The following AP2A2 variants were observed in gnomAD, a reference collection of about 807,000 sequenced individuals.
The protein encoded by AP2A2 is adaptor related protein complex 2 subunit alpha 2.
Under a neutral mutation model 104.2 loss-of-function variants are expected in AP2A2, and 32 were observed. The observed-to-expected ratio is 0.31, with a 90% CI of 0.23 to 0.41. The LOEUF is 0.41. Among genes scored for constraint, AP2A2 ranks in the 10% least tolerant of loss-of-function variants. The pLI is 1.00. For synonymous variants in AP2A2, 539 were observed against 533.3 expected (o/e 1.01, Z -0.15); for missense variants, 912 against 1,261.0 (o/e 0.72, Z 4.19).
chr11:993,750 C>G lies in AP2A2; in HGVS notation c.1551-4C>G, dbSNP rs377746783. 1,308 of 1,583,684 alleles carry G rather than the reference C, an allele frequency of 8.3e-4. 17 individuals are homozygous for G. The South Asian group carries it at 0.01, about 12-fold the overall frequency. On this transcript the variant is annotated splice_region_variant and splice_polypyrimidine_tract_variant and intron_variant, in intron 12 of 21. Coordinates refer to ENST00000448903, the MANE Select transcript of AP2A2 (RefSeq NM_012305.4). The surrounding 1 kb of genome is among the most constrained non-coding windows in gnomAD (Gnocchi z 8.2). Reference sequence around the variant, plus strand: ...GTCCCTGTGTTGTGCCTCCCCGTCCCCAGCCCGCTGATCCAGTTCCACCTG... The same window carrying G: ...GTCCCTGTGTTGTGCCTCCCCGTCCGCAGCCCGCTGATCCAGTTCCACCTG...
intron 1 of AP2A2, among the ~76,000 whole-genome samples, chr11:933,813 C>T (rs117270943): frequency 0.069 from 10,450 of 152,178 alleles, 435 homozygotes; most frequent in South Asian, 0.11. Flanking sequence ...CAGCTTTGCA[C>T]GCTTTTTCCT....
At chr11:962,576 T>C (rs1212318112) in intron 2 of AP2A2, among the ~76,000 whole-genome samples, 1 of 151,776 alleles carries the variant, frequency 6.6e-6, no homozygotes, top group Admixed American at 6.6e-5. Flanking sequence ...TTACTAAAAA[T>C]AGAAAAATTA....
intron 1 of AP2A2, among the ~76,000 whole-genome samples, chr11:956,347 G>A (rs1311599808): frequency 6.6e-6 from 1 of 152,078 alleles, no homozygotes; most frequent in Non-Finnish European, 1.5e-5. Context: ...ATTTTTAGTA[G>A]AGACGGGGTT....
At chr11:926,688 G>A (rs1853131609) in intron 1 of AP2A2, among the ~76,000 whole-genome samples, 2 of 152,216 alleles carry the variant, frequency 1.3e-5, no homozygotes, top group African/African-American at 4.8e-5. Flanking sequence ...CCCCTGATTA[G>A]ATCTCACCTA....
At chr11:988,416 G>C in intron 9 of AP2A2, 136 bp from the exon 10 acceptor site, 1 of 1,155,114 alleles carries the variant, frequency 8.7e-7, no homozygotes, top group Non-Finnish European at 1.2e-6. Context: ...AGTGCAGGTC[G>C]GCTCCCTGGA....
chr11:1,008,897 C>G, intron 18 of AP2A2: 4 of 581,766 alleles, frequency 6.9e-6, no homozygotes, highest in South Asian at 2.2e-5. Context: ...CCTGAGTATG[C>G]GGCCCTGGCC....
At chr11:981,932 C>G (rs1203446260) in intron 6 of AP2A2, among the ~76,000 whole-genome samples, 1 of 152,288 alleles carries the variant, frequency 6.6e-6, no homozygotes, top group Admixed American at 6.5e-5. Context: ...GCCAGACCAG[C>G]TTCCCCTGCC....
In AP2A2 at chr11:976,246, C is replaced by T. The variant is rs150899247; in HGVS notation, c.474-849C>T. 3.2e-3 allele frequency among the ~76,000 whole-genome samples: 485 copies of T among 152,134 alleles called. 1 individual carries two copies. Among genetic ancestry groups the T allele is most frequent in the African/African-American group, 0.011 (470 of 41,486 alleles). ...CAATACCTACTCCTCCTTGCAGGGGCGTTGGCACCCAGAAGGGGAATTTTT... is the reference window on the plus strand; with the variant it reads ...CAATACCTACTCCTCCTTGCAGGGGTGTTGGCACCCAGAAGGGGAATTTTT... On this transcript the variant is annotated intron_variant, in intron 4 of 21. Coordinates refer to ENST00000448903, the MANE Select transcript of AP2A2 (RefSeq NM_012305.4).
chr11:991,086 C>T (rs112157221), intron 10 of AP2A2, among the ~76,000 whole-genome samples: 6 of 151,818 alleles, frequency 4.0e-5, no homozygotes, highest in Admixed American at 2.6e-4. Flanking sequence ...TGCTCCCCTC[C>T]GTCCTTTCAG....
At chr11:975,434 G>C (rs35558736) in intron 4 of AP2A2, among the ~76,000 whole-genome samples, 1 of 39,182 alleles carries the variant, frequency 2.6e-5, no homozygotes, top group African/African-American at 6.7e-5. Flanking sequence ...GTGAGCCGAC[G>C]TCGGAGAGTA....
chr11:930,240 T>C (rs981850404), intron 1 of AP2A2, among the ~76,000 whole-genome samples: 2 of 151,840 alleles, frequency 1.3e-5, no homozygotes, highest in Admixed American at 1.3e-4. Flanking sequence ...CAGACTGGCT[T>C]GGGGCATTAC....
chr11:941,410 T>C (rs985368109), intron 1 of AP2A2, among the ~76,000 whole-genome samples: 7 of 152,142 alleles, frequency 4.6e-5, no homozygotes, highest in Non-Finnish European at 4.4e-5. Flanking sequence ...TATCACTGCC[T>C]GAGAGAAGGC....
chr11:970,163 C>T lies in AP2A2; in HGVS notation c.137-6C>T. 1 of 1,613,786 alleles carries T rather than the reference C, an allele frequency of 6.2e-7. No individual in the cohort carries two copies. The highest frequency in any genetic ancestry group is 1.1e-5 in the South Asian group (1 of 91,046). Reference sequence around the variant, plus strand: ...GAATAAAACCTCTTCCCCACCTTTTCTGTAGGTGACAAGGCTCTTGATGGC... The same window carrying T: ...GAATAAAACCTCTTCCCCACCTTTTTTGTAGGTGACAAGGCTCTTGATGGC... On this transcript the variant is annotated splice_region_variant and splice_polypyrimidine_tract_variant and intron_variant, in intron 2 of 21. Transcript: ENST00000448903.
At chr11:943,398 G>A (rs1853721690) in intron 1 of AP2A2, 1 of 153,816 alleles carries the variant, frequency 6.5e-6, no homozygotes, top group Non-Finnish European at 1.4e-5. Flanking sequence ...TCTATACAAT[G>A]TCTGGAATCT....
chr11:1,008,985 C>A, intron 18 of AP2A2, 115 bp from the exon 19 acceptor site: 1 of 827,302 alleles, frequency 1.2e-6, no homozygotes, highest in Non-Finnish European at 1.9e-6. Flanking sequence ...CCCCCCGACC[C>A]GCTCTGGTGG....
At chr11:972,008 C>T (rs1854847112) in intron 3 of AP2A2, 54 bp from the exon 4 acceptor site, 1 of 1,525,188 alleles carries the variant, frequency 6.6e-7, no homozygotes, top group South Asian at 1.3e-5. Context: ...CTCAGGGCCA[C>T]AGGTGGACTT....
intron 5 of AP2A2, among the ~76,000 whole-genome samples, chr11:980,615 C>CA (rs774137253): frequency 7.2e-5 from 11 of 152,212 alleles, no homozygotes; most frequent in Non-Finnish European, 1.5e-4. Flanking sequence ...AATCTGTTCT[C>CA]ACTGAGGGCC....
At position 1,011,511 on chromosome 11, in the gene AP2A2, G is replaced by T. The variant is rs1487283779; in HGVS notation, c.*886G>T. The T allele has an allele frequency of 6.1e-6, 3 of 492,344 alleles. No homozygotes were observed. The Admixed American group carries it at 6.4e-5, about 10-fold the overall frequency. The allele number at this position is 492,344 out of a possible 1,614,324, so 30.5% of individuals were successfully genotyped here. ...AGGAGGGACGCCTCTGTGTGGTCAGGAAGTGAAGGGGCCATTGGCCGCATG... is the reference window on the plus strand; with the variant it reads ...AGGAGGGACGCCTCTGTGTGGTCAGTAAGTGAAGGGGCCATTGGCCGCATG... On this transcript the variant is annotated 3_prime_UTR_variant, in exon 22 of 22. Transcript: ENST00000448903.
intron 21 of AP2A2, chr11:1,010,329 G>A: frequency 1.7e-6 from 1 of 587,012 alleles, no homozygotes; most frequent in Non-Finnish European, 3.0e-6. Flanking sequence ...GTGCCACTTT[G>A]CACTCCCGCC....
Sources: gnomAD v4.1 joint callset for allele counts (sites outside exome capture counted in the v4.1 genomes callset) on GRCh38, gnomAD v4.1.1 for gene constraint, Gnocchi (gnomAD v3.1) non-coding constraint, MANE v1.5 for transcripts, NCBI Gene and HGNC (gene_info 2026-07-23, HGNC 2026-07-21) for gene names.